Variants in ECHS1 observed in about 807,000 individuals in gnomAD.
ECHS1 encodes enoyl-CoA hydratase, short chain 1, also known as enoyl-CoA hydratase, mitochondrial.
ECHS1 carries 19 observed loss-of-function variants against 33.5 expected under a neutral mutation model. The observed-to-expected ratio is 0.57, with a 90% CI of 0.40 to 0.83. The LOEUF (loss-of-function observed/expected upper bound fraction) is 0.83. Ranked by LOEUF, ECHS1 falls within the 40% of genes least tolerant of loss-of-function variation. The pLI is 0.00. For missense variants in ECHS1, 365 were observed against 381.3 expected (o/e 0.96, Z 0.36); for synonymous variants, 158 against 146.6 (o/e 1.08, Z -0.56).
chr10:133,370,685 C>T lies in ECHS1; in HGVS notation c.161G>A (p.Arg54His), dbSNP rs375266808. ...GCAAAGTGCATTGAGGGCCTTGGGG[C>T]GGTTCAGTTGGATCAACCCCACGGT... ...NNTVGLIQLN[R>H]PKALNALCDG... The change falls in exon 2 of 8, where the codon CGC (arginine) becomes CAC (histidine). Residue 54 changes from arginine (R) to histidine (H), a missense_variant. By Grantham distance (29) the Arg-to-His change is conservative. Coordinates refer to ENST00000368547, the MANE Select transcript of ECHS1 (RefSeq NM_004092.4). 2.6e-5 allele frequency: 42 copies of T among 1,613,108 alleles called. No homozygotes were observed. Among genetic ancestry groups the T allele is most frequent in the Admixed American group, 3.3e-5 (2 of 59,920 alleles).
At chr10:133,368,555 C>T (rs1358492886) in intron 4 of ECHS1, among the ~76,000 whole-genome samples, 4 of 152,148 alleles carry the variant, frequency 2.6e-5, no homozygotes, top group Non-Finnish European at 5.9e-5. Flanking sequence ...GGCCATGTGA[C>T]CTCCATGGCC....
chr10:133,362,595 CG>C lies in ECHS1; in HGVS notation c.*272del. 1 of 503,990 alleles carries C rather than the reference CG, an allele frequency of 2.0e-6. No homozygotes were observed. The highest frequency in any genetic ancestry group is 3.5e-5 in the East Asian group (1 of 28,404). 31.2% of individuals were successfully genotyped at this position (503,990 alleles called of 1,614,324 possible). On this transcript the variant is annotated 3_prime_UTR_variant, in exon 8 of 8. Coordinates refer to ENST00000368547, the MANE Select transcript of ECHS1 (RefSeq NM_004092.4). Reference sequence around the variant, plus strand: ...CAGGGACACAAGGACCCGCAGGCCCCGCTTTCCGTCCGAGCACAGCATGCCC... The same window carrying C: ...CAGGGACACAAGGACCCGCAGGCCCCCTTTCCGTCCGAGCACAGCATGCCC...
intron 7 of ECHS1, 87 bp downstream of exon 7, chr10:133,364,571 A>T: frequency 9.3e-7 from 1 of 1,071,760 alleles, no homozygotes; most frequent in South Asian, 1.3e-5. Flanking sequence ...AAGAAACGAT[A>T]CTTAATGATA....
intron 5 of ECHS1, among the ~76,000 whole-genome samples, chr10:133,366,632 T>G (rs1161607838): frequency 1.3e-5 from 2 of 151,790 alleles, no homozygotes; most frequent in Non-Finnish European, 2.9e-5. Context: ...GACACCTGGA[T>G]GCCGCCCTGG....
At chr10:133,365,110 C>T (rs1410178375) in intron 6 of ECHS1, among the ~76,000 whole-genome samples, 4 of 152,224 alleles carry the variant, frequency 2.6e-5, no homozygotes, top group Admixed American at 2.6e-4. Context: ...TGGGCGCGGC[C>T]GGCACCAAGA....
At chr10:133,366,679 G>A (rs1485595788) in intron 5 of ECHS1, among the ~76,000 whole-genome samples, 2 of 150,214 alleles carry the variant, frequency 1.3e-5, no homozygotes, top group African/African-American at 2.5e-5. Context: ...ACACCTGGAT[G>A]CAGCTCTGGG....
intron 1 of ECHS1, 104 bp from the exon 2 acceptor site, chr10:133,370,861 G>T (rs889778481): frequency 2.9e-5 from 34 of 1,156,338 alleles, no homozygotes; most frequent in Middle Eastern, 2.1e-4. Context: ...GTGACCCCAA[G>T]AGGCCCTCTG....
chr10:133,373,201 G>A, intron 1 of ECHS1, 45 bp downstream of exon 1: 7 of 1,379,904 alleles, frequency 5.1e-6, no homozygotes, highest in South Asian at 3.1e-5. Flanking sequence ...GTGCAGGTCG[G>A]AGTCAGGAGG....
intron 4 of ECHS1, 113 bp downstream of exon 4, chr10:133,368,810 T>G: frequency 1.0e-6 from 1 of 981,916 alleles, no homozygotes; most frequent in Middle Eastern, 3.0e-4. Context: ...TGACCAGCCA[T>G]GGGGCTGTCC....
intron 7 of ECHS1, among the ~76,000 whole-genome samples, chr10:133,363,506 G>A (rs1029512867): frequency 3.9e-5 from 6 of 152,222 alleles, no homozygotes; most frequent in African/African-American, 1.2e-4. Context: ...TAATCTGGCC[G>A]GGTGCAGTGG....
chr10:133,369,309 G>A (rs1301639320), intron 3 of ECHS1, among the ~76,000 whole-genome samples: 3 of 152,132 alleles, frequency 2.0e-5, no homozygotes, highest in African/African-American at 7.2e-5. Context: ...CAGAGACTAG[G>A]TGCACAGGTG....
At chr10:133,366,798 C>T in intron 5 of ECHS1, 91 bp downstream of exon 5, 1 of 964,812 alleles carries the variant, frequency 1.0e-6, no homozygotes, top group Non-Finnish European at 1.6e-6. Context: ...TGGGGCTCCC[C>T]CGAGGGGGAC....
intron 4 of ECHS1, among the ~76,000 whole-genome samples, chr10:133,367,223 G>A (rs1288098278): frequency 2.0e-5 from 3 of 152,194 alleles, no homozygotes; most frequent in East Asian, 1.9e-4. Context: ...CCTAGGTGCC[G>A]AGGCAAGAGA....
chr10:133,365,330 G>T (rs1425739080), intron 6 of ECHS1, among the ~76,000 whole-genome samples: 1 of 152,216 alleles, frequency 6.6e-6, no homozygotes, highest in Admixed American at 6.5e-5. Flanking sequence ...TCAAGCCAAC[G>T]GCAAGCCCGG....
chr10:133,362,947 G>A lies in ECHS1; in HGVS notation c.808-14C>T, dbSNP rs772958061. On this transcript the variant is annotated splice_polypyrimidine_tract_variant and intron_variant, in intron 7 of 7. Transcript: ENST00000368547. ...TTTCCGGTCATCCTGGCAGGAAAAGGAACAGAAACAGAGCTGGACGCGCAG... is the reference window on the plus strand; with the variant it reads ...TTTCCGGTCATCCTGGCAGGAAAAGAAACAGAAACAGAGCTGGACGCGCAG... 1.9e-6 allele frequency: 3 copies of A among 1,613,836 alleles called. No homozygotes were observed. The highest frequency in any genetic ancestry group is 1.3e-5 in the African/African-American group (1 of 74,902).
At chr10:133,372,635 C>T (rs1849123886) in intron 1 of ECHS1, among the ~76,000 whole-genome samples, 1 of 151,670 alleles carries the variant, frequency 6.6e-6, no homozygotes, top group African/African-American at 2.4e-5. Context: ...CCGGGCCTCC[C>T]GCAGGACGTG....
At chr10:133,365,785 A>G (rs1849019383) in intron 6 of ECHS1, among the ~76,000 whole-genome samples, 191 bp downstream of exon 6, 1 of 152,242 alleles carries the variant, frequency 6.6e-6, no homozygotes, top group African/African-American at 2.4e-5. Flanking sequence ...GGAGCTGGGA[A>G]CATCTCAGCG....
At position 133,362,670 on chromosome 10, in the gene ECHS1, C is replaced by T. The variant is rs1167973139; in HGVS notation, c.*198G>A. 1 of 617,628 alleles carries T rather than the reference C, an allele frequency of 1.6e-6. No individual in the cohort carries two copies. The highest frequency in any genetic ancestry group is 2.9e-6 in the Non-Finnish European group (1 of 345,932). 38.3% of individuals were successfully genotyped at this position (617,628 alleles called of 1,614,324 possible). A position where few individuals can be genotyped will look rare whatever the true frequency, so the allele number is the denominator to read the frequency against. The stretch of plus-strand genomic sequence containing the variant: ...AGCAGAATCTTAGATTTAGAAGGTG[C>T]TCCAGTCAGGACCCTCACAGGCTGG... On this transcript the variant is annotated 3_prime_UTR_variant, in exon 8 of 8. Coordinates refer to ENST00000368547, the MANE Select transcript of ECHS1 (RefSeq NM_004092.4).
At chr10:133,370,948 T>C (rs1814241796) in intron 1 of ECHS1, among the ~76,000 whole-genome samples, 191 bp from the exon 2 acceptor site, 1 of 152,126 alleles carries the variant, frequency 6.6e-6, no homozygotes, top group Non-Finnish European at 1.5e-5. Context: ...TTGGTACCAT[T>C]CTCTCTGCTT....
Sources: gnomAD v4.1 joint callset for allele counts (sites outside exome capture counted in the v4.1 genomes callset) on GRCh38, gnomAD v4.1.1 for gene constraint, MANE v1.5 for transcripts, NCBI Gene and HGNC (gene_info 2026-07-23, HGNC 2026-07-21) for gene names.